The following BNC2 variants were observed in gnomAD, a reference collection of about 807,000 sequenced individuals.
The protein encoded by BNC2 is basonuclin zinc finger protein 2, also known as zinc finger protein basonuclin-2.
Under a neutral mutation model 76.3 loss-of-function variants are expected in BNC2, and 20 were observed. The observed-to-expected ratio is 0.26, with a 90% CI of 0.18 to 0.38. The LOEUF is 0.38. Among genes scored for constraint, BNC2 ranks in the 10% least tolerant of loss-of-function variants. BNC2 has a pLI of 1.00. For missense variants in BNC2, 1,382 were observed against 1,399.8 expected (o/e 0.99, Z 0.20); for synonymous variants, 582 against 514.8 (o/e 1.13, Z -1.77).
rs1820635916 is a variant in BNC2, at chr9:16,418,614, C to G, written c.*375G>C. 2 of 184,292 alleles carry G rather than the reference C, an allele frequency of 1.1e-5. No homozygotes were observed. The allele number at this position is 184,292 out of a possible 1,614,324, so 11.4% of individuals were successfully genotyped here. On this transcript the variant is annotated 3_prime_UTR_variant, in exon 7 of 7. Transcript: ENST00000380672. ...CAGTCATGGGTACAACAAATTGTCT[C>G]TTTGGGGAAGACCAAGAATTATTCT...
intron 5 of BNC2, among the ~76,000 whole-genome samples, chr9:16,463,197 TGA>T: frequency 6.6e-6 from 1 of 152,050 alleles, no homozygotes; most frequent in East Asian, 1.9e-4. Context: ...GGAGATTGAA[TGA>T]GAGTGAATGA....
At chr9:16,567,060 T>A (rs1042131725) in intron 4 of BNC2, among the ~76,000 whole-genome samples, 1 of 152,206 alleles carries the variant, frequency 6.6e-6, no homozygotes, top group African/African-American at 2.4e-5. Context: ...GGCAATTTTA[T>A]GGCTACAAAA....
intron 3 of BNC2, among the ~76,000 whole-genome samples, chr9:16,713,367 A>G (rs937246379): frequency 6.6e-6 from 1 of 152,104 alleles, no homozygotes; most frequent in African/African-American, 2.4e-5. Context: ...GGCAGAAACA[A>G]CGGGTAAGAA....
At chr9:16,544,180 C>T (rs985488721) in intron 5 of BNC2, among the ~76,000 whole-genome samples, 4 of 151,956 alleles carry the variant, frequency 2.6e-5, no homozygotes, top group South Asian at 2.1e-4. Context: ...TAGAGCTCAC[C>T]GATTAGAGTG....
intron 1 of BNC2, among the ~76,000 whole-genome samples, chr9:16,785,470 C>A (rs1231007405): frequency 1.3e-5 from 2 of 151,832 alleles, no homozygotes; most frequent in East Asian, 3.9e-4. Flanking sequence ...TATTGCCTAA[C>A]TGCAACCTCC....
At chr9:16,453,083 AC>A (rs1821376216) in intron 5 of BNC2, among the ~76,000 whole-genome samples, 1 of 152,224 alleles carries the variant, frequency 6.6e-6, no homozygotes, top group African/African-American at 2.4e-5. Context: ...ATTAAAAGTA[AC>A]TATCTGGTAG....
intron 1 of BNC2, among the ~76,000 whole-genome samples, chr9:16,808,468 ATCTTGGGCAACTTTTTTTTTTT>A (rs942958125): frequency 5.6e-5 from 7 of 124,996 alleles, no homozygotes; most frequent in African/African-American, 1.9e-4. Context: ...TAGTTGTGTG[ATCTTGGGCAACTTTTTTTTTTT>A]TTTTTTTTTT....
chr9:16,803,868 G>C (rs1817842476), intron 1 of BNC2, among the ~76,000 whole-genome samples: 1 of 152,192 alleles, frequency 6.6e-6, no homozygotes, highest in African/African-American at 2.4e-5. Context: ...CTTGCATTCG[G>C]CTGAGTGAAT....
intron 4 of BNC2, among the ~76,000 whole-genome samples, chr9:16,559,615 C>G (rs1818950387): frequency 1.3e-5 from 2 of 152,200 alleles, no homozygotes; most frequent in South Asian, 2.1e-4. Flanking sequence ...TAACTGCCAG[C>G]AATCTGGGCT....
At chr9:16,665,902 A>G (rs879691366) in intron 3 of BNC2, among the ~76,000 whole-genome samples, 13 of 152,216 alleles carry the variant, frequency 8.5e-5, no homozygotes, top group Admixed American at 6.5e-4. Context: ...AAAAAAACAC[A>G]TATTTCCATG....
chr9:16,496,874 G>C (rs1376778946), intron 5 of BNC2, among the ~76,000 whole-genome samples: 1 of 152,212 alleles, frequency 6.6e-6, no homozygotes, highest in Non-Finnish European at 1.5e-5. Flanking sequence ...TATAGGGCTA[G>C]GATCTGGAAG....
At chr9:16,446,194 T>C (rs1302341585) in intron 5 of BNC2, among the ~76,000 whole-genome samples, 2 of 152,192 alleles carry the variant, frequency 1.3e-5, no homozygotes, top group African/African-American at 4.8e-5. Flanking sequence ...CTCACTCTTA[T>C]TATATACTAC....
At chr9:16,786,041 A>G (rs1826284269) in intron 1 of BNC2, among the ~76,000 whole-genome samples, 1 of 152,134 alleles carries the variant, frequency 6.6e-6, no homozygotes, top group Non-Finnish European at 1.5e-5. Flanking sequence ...GAGAAGCAGC[A>G]GTAAACTTTC....
intron 3 of BNC2, chr9:16,727,197 A>G (rs569318527): frequency 6.5e-6 from 1 of 152,958 alleles, no homozygotes; most frequent in Non-Finnish European, 1.5e-5. Context: ...GCTGGCTGGC[A>G]AGGAGGAGCG....
chr9:16,691,504 CTTTTTT>C (rs71327842), intron 3 of BNC2, among the ~76,000 whole-genome samples: 143 of 113,210 alleles, frequency 1.3e-3, no homozygotes, highest in Middle Eastern at 4.7e-3. Context: ...GGTATGGGTT[CTTTTTT>C]TTTTTTTTTT....
At chr9:16,802,235 T>G (rs756780074) in intron 1 of BNC2, among the ~76,000 whole-genome samples, 20 of 152,266 alleles carry the variant, frequency 1.3e-4, no homozygotes, top group Non-Finnish European at 2.4e-4. Context: ...AGAAGAGAGA[T>G]AGTAATTATT....
intron 4 of BNC2, among the ~76,000 whole-genome samples, chr9:16,581,264 CAAG>C (rs1207993053): frequency 6.6e-6 from 1 of 152,088 alleles, no homozygotes; most frequent in East Asian, 1.9e-4. Flanking sequence ...TCTGGATGCA[CAAG>C]AAGACACCAG....
chr9:16,869,231 C>G (rs371423772), intron 1 of BNC2, among the ~76,000 whole-genome samples: 1 of 118,340 alleles, frequency 8.5e-6, no homozygotes, highest in African/African-American at 3.2e-5. Context: ...AAAAATAAAA[C>G]AGGCCACTTT....
chr9:16,869,522 A>G (rs1205376725), intron 1 of BNC2, among the ~76,000 whole-genome samples: 1 of 152,144 alleles, frequency 6.6e-6, no homozygotes, highest in East Asian at 1.9e-4. Context: ...GGGAGCAGGG[A>G]AGAGGAAAAA....
Sources: allele counts gnomAD v4.1 joint callset (sites outside exome capture counted in the v4.1 genomes callset), GRCh38; gene constraint gnomAD v4.1.1; transcripts MANE v1.5; gene names NCBI Gene and HGNC (gene_info 2026-07-23, HGNC 2026-07-21).